SLC16A7: variants seen among roughly 807,000 people sequenced by gnomAD.
The protein encoded by SLC16A7 is solute carrier family 16 member 7, also known as monocarboxylate transporter 2.
Under a neutral mutation model 34.9 loss-of-function variants are expected in SLC16A7, and 33 were observed. The ratio of observed to expected loss-of-function variants is 0.94; its 90% CI spans 0.72 to 1.26. SLC16A7 has a LOEUF of 1.26. SLC16A7 is among the 50% of genes most tolerant of loss of function. The pLI is 0.00. For missense variants in SLC16A7, 573 were observed against 578.1 expected, an observed-to-expected ratio of 0.99 and a Z score of 0.09; for synonymous variants, 201 against 206.6, an observed-to-expected ratio of 0.97 and a Z score of 0.23.
intron 3 of SLC16A7, among the ~76,000 whole-genome samples, chr12:59,715,715 G>A (rs1874822231): frequency 6.6e-6 from 1 of 152,250 alleles, no homozygotes; most frequent in Middle Eastern, 3.4e-3. Flanking sequence ...TGATTTTAAG[G>A]TTACAAATCA....
intron 2 of SLC16A7, among the ~76,000 whole-genome samples, chr12:59,671,206 A>T (rs1167399245): frequency 6.6e-6 from 1 of 152,152 alleles, no homozygotes; most frequent in Non-Finnish European, 1.5e-5. Flanking sequence ...ACAAGTTACC[A>T]AATCTCACAT....
At chr12:59,744,938 A>G (rs1352107699) in intron 3 of SLC16A7, among the ~76,000 whole-genome samples, 1 of 152,164 alleles carries the variant, frequency 6.6e-6, no homozygotes, top group Non-Finnish European at 1.5e-5. Context: ...GGCTACATCC[A>G]GTGCCCATGT....
chr12:59,615,250 T>G (rs180837932), intron 1 of SLC16A7, among the ~76,000 whole-genome samples: 12 of 152,248 alleles, frequency 7.9e-5, no homozygotes, highest in African/African-American at 2.9e-4. Flanking sequence ...TCTTTATAAA[T>G]TACTCATTCT....
intron 1 of SLC16A7, among the ~76,000 whole-genome samples, chr12:59,635,386 T>G (rs1880372382): frequency 6.6e-6 from 1 of 152,076 alleles, no homozygotes. Context: ...TGAAACAAAT[T>G]CCTCAGTTTT....
intron 1 of SLC16A7, among the ~76,000 whole-genome samples, chr12:59,598,476 T>C (rs1878530531): frequency 6.8e-6 from 1 of 148,080 alleles, no homozygotes; most frequent in South Asian, 2.1e-4. Flanking sequence ...TGTATCCCAT[T>C]TGCCTTTTAG....
At chr12:59,765,558 C>A (rs555123167) in intron 3 of SLC16A7, among the ~76,000 whole-genome samples, 1 of 152,134 alleles carries the variant, frequency 6.6e-6, no homozygotes. Flanking sequence ...TATGGCTAGC[C>A]AGTTTTCCCA....
intron 3 of SLC16A7, among the ~76,000 whole-genome samples, chr12:59,713,074 C>T (rs769333883): frequency 2.6e-5 from 4 of 151,730 alleles, no homozygotes; most frequent in Non-Finnish European, 5.9e-5. Context: ...GGTTGGAGTG[C>T]ACTGGCACAG....
At chr12:59,741,881 T>G (rs1878389560) in intron 3 of SLC16A7, among the ~76,000 whole-genome samples, 1 of 152,168 alleles carries the variant, frequency 6.6e-6, no homozygotes, top group Non-Finnish European at 1.5e-5. Context: ...CCTCAATTCC[T>G]GCCTCCCTAG....
chr12:59,612,031 T>G (rs1301955580), intron 1 of SLC16A7, among the ~76,000 whole-genome samples: 1 of 152,224 alleles, frequency 6.6e-6, no homozygotes, highest in Non-Finnish European at 1.5e-5. Context: ...TTCTAGGGTC[T>G]GGAGGATGGT....
chr12:59,635,044 C>T (rs894967529), intron 1 of SLC16A7, among the ~76,000 whole-genome samples: 2 of 152,046 alleles, frequency 1.3e-5, no homozygotes, highest in African/African-American at 4.8e-5. Context: ...AATGCCACCA[C>T]AGTTCTTTTT....
intron 1 of SLC16A7, among the ~76,000 whole-genome samples, chr12:59,643,244 A>C (rs1486589822): frequency 1.3e-5 from 2 of 152,144 alleles, no homozygotes; most frequent in East Asian, 3.9e-4. Context: ...GGATCATAGA[A>C]CTAATAACAT....
intron 2 of SLC16A7, among the ~76,000 whole-genome samples, chr12:59,661,144 AG>A (rs749070360): frequency 1.1e-4 from 17 of 151,910 alleles, no homozygotes; most frequent in Admixed American, 9.9e-4. Flanking sequence ...TGGGAAGGGG[AG>A]GGGATAATGA....
At chr12:59,657,024 T>A (rs1254640660) in intron 2 of SLC16A7, among the ~76,000 whole-genome samples, 1 of 151,970 alleles carries the variant, frequency 6.6e-6, no homozygotes, top group Non-Finnish European at 1.5e-5. Context: ...AATTAACTAT[T>A]AATTTGTGTT....
At chr12:59,778,280 T>A (rs956638411) in intron 5 of SLC16A7, among the ~76,000 whole-genome samples, 3 of 152,068 alleles carry the variant, frequency 2.0e-5, no homozygotes, top group African/African-American at 7.3e-5. Flanking sequence ...ATTTTTGTTA[T>A]GTTTATGACT....
intron 1 of SLC16A7, among the ~76,000 whole-genome samples, chr12:59,648,836 T>C (rs1592433410): frequency 6.6e-6 from 1 of 152,170 alleles, no homozygotes; most frequent in East Asian, 1.9e-4. Flanking sequence ...TTTTCTGAAA[T>C]GAGAGTTGAA....
chr12:59,755,553 T>G (rs1161137375), intron 3 of SLC16A7, among the ~76,000 whole-genome samples: 1 of 152,184 alleles, frequency 6.6e-6, no homozygotes, highest in Non-Finnish European at 1.5e-5. Flanking sequence ...TTACAAGGGA[T>G]GAGAAGGACC....
chr12:59,730,848 A>T (rs1242787654), intron 3 of SLC16A7, among the ~76,000 whole-genome samples: 1 of 152,168 alleles, frequency 6.6e-6, no homozygotes, highest in South Asian at 2.1e-4. Context: ...TCTCTGAGAG[A>T]CTTGCTCTCA....
At chr12:59,597,454 G>A (rs1190428756) in intron 1 of SLC16A7, among the ~76,000 whole-genome samples, 1 of 152,088 alleles carries the variant, frequency 6.6e-6, no homozygotes, top group Non-Finnish European at 1.5e-5. Context: ...GTGACTACTG[G>A]ATGCCATTTC....
intron 3 of SLC16A7, among the ~76,000 whole-genome samples, chr12:59,744,255 G>A (rs939624417): frequency 1.3e-5 from 2 of 151,802 alleles, no homozygotes; most frequent in South Asian, 4.1e-4. Flanking sequence ...CCCCCACCCA[G>A]CACCCCCATC....
Sources: allele counts gnomAD v4.1 joint callset (sites outside exome capture counted in the v4.1 genomes callset), GRCh38; gene constraint gnomAD v4.1.1; transcripts MANE v1.5; gene names NCBI Gene and HGNC (gene_info 2026-07-23, HGNC 2026-07-21).